The following ASZ1 variants were observed in gnomAD, a reference collection of about 807,000 sequenced individuals.
ASZ1 encodes the protein ankyrin repeat, SAM and basic leucine zipper domain containing 1.
A neutral mutation model predicts 61.8 loss-of-function variants in ASZ1; 67 were observed. That is an observed-to-expected ratio of 1.08 (90% CI 0.89 to 1.33). The LOEUF (loss-of-function observed/expected upper bound fraction) is 1.33, where lower values mean the gene tolerates loss of function less well. ASZ1 is among the 40% of genes most tolerant of loss of function. ASZ1 has a pLI of 0.00. For synonymous variants in ASZ1, 193 were observed against 192.7 expected (o/e 1.00, Z -0.01); for missense variants, 577 against 554.5 (o/e 1.04, Z -0.41).
intron 4 of ASZ1, among the ~76,000 whole-genome samples, chr7:117,417,178 C>T (rs1181109139): frequency 1.3e-5 from 2 of 149,004 alleles, no homozygotes; most frequent in Admixed American, 6.6e-5. Flanking sequence ...CTACTGATCC[C>T]GTATTAGTTA....
intron 4 of ASZ1, among the ~76,000 whole-genome samples, chr7:117,408,314 G>T (rs1213366451): frequency 6.6e-6 from 1 of 152,060 alleles, no homozygotes; most frequent in African/African-American, 2.4e-5. Context: ...CAGTGGTTAA[G>T]ACCAAATATT....
At chr7:117,409,768 C>A (rs1584738908) in intron 4 of ASZ1, among the ~76,000 whole-genome samples, 1 of 151,896 alleles carries the variant, frequency 6.6e-6, no homozygotes, top group East Asian at 1.9e-4. Context: ...ACTACCTCCT[C>A]TCCATAAAAG....
At chr7:117,414,708 C>T (rs1002040743) in intron 4 of ASZ1, among the ~76,000 whole-genome samples, 1 of 152,066 alleles carries the variant, frequency 6.6e-6, no homozygotes, top group African/African-American at 2.4e-5. Context: ...TGTTCAACTC[C>T]CACTCATGAG....
intron 4 of ASZ1, among the ~76,000 whole-genome samples, chr7:117,418,254 C>T (rs898672385): frequency 1.3e-5 from 2 of 152,172 alleles, no homozygotes; most frequent in Non-Finnish European, 2.9e-5. Flanking sequence ...TGGAAGTTTA[C>T]TTCAGCAAGG....
Position 117,427,370 on chromosome 7 carries a change from C to G in ASZ1, c.91G>C (p.Asp31His), listed in dbSNP as rs750167706. The G allele has an allele frequency of 5.0e-6, 8 of 1,614,172 alleles. No homozygotes were observed. The highest frequency in any genetic ancestry group is 5.9e-6 in the Non-Finnish European group (7 of 1,180,004). The change falls in exon 1 of 13, where the codon GAC becomes CAC. Residue 31 changes from aspartate (D) to histidine (H), a missense_variant. Asp to His is a moderately conservative substitution (Grantham distance 81). Coordinates refer to ENST00000284629, the MANE Select transcript of ASZ1 (RefSeq NM_130768.3). The part of the protein sequence containing the change: ...EDDGWEIGYL[D>H]RTSQKLKRLL... The stretch of plus-strand genomic sequence containing the variant: ...TCCTCCGCTACCTGAGACGTCCGGT[C>G]GAGATACCCAATCTCCCAGCCATCA...
chr7:117,380,471 T>C (rs1796229068), intron 9 of ASZ1, among the ~76,000 whole-genome samples: 1 of 151,866 alleles, frequency 6.6e-6, no homozygotes, highest in Non-Finnish European at 1.5e-5. Flanking sequence ...GATTTAGTTT[T>C]GTAGTATGCT....
At chr7:117,367,323 T>C (rs755624948) in intron 12 of ASZ1, 29 bp downstream of exon 12, 1 of 1,408,406 alleles carries the variant, frequency 7.1e-7, no homozygotes. Context: ...CCCTTCATTT[T>C]TCCCCTCCTT....
At position 117,381,069 on chromosome 7, in the gene ASZ1, T is replaced by C. The variant is rs201641418; in HGVS notation, c.889-2A>G. On this transcript the variant is annotated splice_acceptor_variant, in intron 8 of 12. Coordinates refer to ENST00000284629, the MANE Select transcript of ASZ1 (RefSeq NM_130768.3). LOFTEE classifies it high-confidence loss of function. The stretch of plus-strand genomic sequence containing the variant: ...ATGTCTTAACGTTATATCCCTTTCC[T>C]GTATAAAAGGAAAAAAAGGCCACCT... The C allele has an allele frequency of 1.9e-6, 3 of 1,566,920 alleles. No homozygotes were observed. The highest frequency in any genetic ancestry group is 4.5e-5 in the East Asian group (2 of 44,140).
At chr7:117,391,651 T>C (rs888790542) in intron 4 of ASZ1, among the ~76,000 whole-genome samples, 3 of 152,194 alleles carry the variant, frequency 2.0e-5, no homozygotes, top group African/African-American at 7.2e-5. Flanking sequence ...TTGGGCTACA[T>C]GTCTATGTCT....
chr7:117,413,923 G>A (rs1796942841), intron 4 of ASZ1, among the ~76,000 whole-genome samples: 1 of 152,110 alleles, frequency 6.6e-6, no homozygotes, highest in Admixed American at 6.6e-5. Context: ...GAATCTAGAA[G>A]TTTTTAAAAA....
chr7:117,395,711 T>G (rs1385714889), intron 4 of ASZ1, among the ~76,000 whole-genome samples: 1 of 152,144 alleles, frequency 6.6e-6, no homozygotes, highest in Non-Finnish European at 1.5e-5. Flanking sequence ...AGTTGACTAT[T>G]TTCGGTTTAC....
chr7:117,390,622 C>A (rs1333754172), intron 4 of ASZ1, among the ~76,000 whole-genome samples: 2 of 152,154 alleles, frequency 1.3e-5, no homozygotes, highest in African/African-American at 4.8e-5. Flanking sequence ...AACTGTTTTC[C>A]ACAGTGGTTT....
intron 3 of ASZ1, among the ~76,000 whole-genome samples, chr7:117,420,987 A>C (rs901757716): frequency 6.6e-6 from 1 of 152,216 alleles, no homozygotes; most frequent in Non-Finnish European, 1.5e-5. Context: ...AGCTCATTAG[A>C]TTTAACATAC....
intron 4 of ASZ1, among the ~76,000 whole-genome samples, chr7:117,419,381 C>T (rs1562861299): frequency 2.6e-5 from 4 of 152,080 alleles, no homozygotes; most frequent in Admixed American, 1.3e-4. Flanking sequence ...ATCATAGAAA[C>T]TGAACCAATT....
chr7:117,403,477 C>T (rs1002620801), intron 4 of ASZ1, among the ~76,000 whole-genome samples: 7 of 152,160 alleles, frequency 4.6e-5, no homozygotes, highest in African/African-American at 7.2e-5. Context: ...TTTGTGTTAC[C>T]GTGATTATGT....
chr7:117,412,440 A>T (rs1315774824), intron 4 of ASZ1, among the ~76,000 whole-genome samples: 1 of 151,952 alleles, frequency 6.6e-6, no homozygotes, highest in Non-Finnish European at 1.5e-5. Flanking sequence ...CTAGAAAACA[A>T]GTTACTATTG....
At chr7:117,403,006 A>G (rs958613794) in intron 4 of ASZ1, among the ~76,000 whole-genome samples, 13 of 152,114 alleles carry the variant, frequency 8.5e-5, no homozygotes, top group African/African-American at 3.1e-4. Flanking sequence ...TACCCTCTCC[A>G]GGGTAGTCCA....
At chr7:117,402,052 A>G (rs1796691487) in intron 4 of ASZ1, among the ~76,000 whole-genome samples, 1 of 152,154 alleles carries the variant, frequency 6.6e-6, no homozygotes, top group Admixed American at 6.6e-5. Context: ...TGTGGCAGCA[A>G]TACAAACTAT....
At chr7:117,371,664 ACAC>A (rs1416591021) in intron 10 of ASZ1, among the ~76,000 whole-genome samples, 5 of 151,954 alleles carry the variant, frequency 3.3e-5, no homozygotes, top group African/African-American at 1.2e-4. Flanking sequence ...TTATATAAGT[ACAC>A]TTATAACTTA....
Sources: gnomAD v4.1 joint callset for allele counts (sites outside exome capture counted in the v4.1 genomes callset) on GRCh38, gnomAD v4.1.1 for gene constraint, MANE v1.5 for transcripts, NCBI Gene and HGNC (gene_info 2026-07-23, HGNC 2026-07-21) for gene names.